The following PAK5 variants were observed in gnomAD, a reference collection of about 807,000 sequenced individuals.
The protein encoded by PAK5 is serine/threonine-protein kinase PAK 5.
Under a neutral mutation model 65.9 loss-of-function variants are expected in PAK5, and 16 were observed. The ratio of observed to expected loss-of-function variants is 0.24; its 90% CI spans 0.16 to 0.37. PAK5 has a LOEUF of 0.37. Among genes scored for constraint, PAK5 ranks in the 10% least tolerant of loss-of-function variants. The pLI is 1.00. For synonymous variants in PAK5, 371 were observed against 354.9 expected, an observed-to-expected ratio of 1.05 and a Z score of -0.51; for missense variants, 785 against 903.9, an observed-to-expected ratio of 0.87 and a Z score of 1.69.
At chr20:9,811,484 T>C (rs1289693195) in intron 1 of PAK5, among the ~76,000 whole-genome samples, 1 of 152,164 alleles carries the variant, frequency 6.6e-6, no homozygotes, top group Non-Finnish European at 1.5e-5. Context: ...AGTCTAATAA[T>C]ACAGAGTGAG....
intron 1 of PAK5, among the ~76,000 whole-genome samples, chr20:9,718,876 C>A (rs2048181832): frequency 6.6e-6 from 1 of 152,140 alleles, no homozygotes. Flanking sequence ...TCCAAGTACA[C>A]AAAATCATTC....
In PAK5 at chr20:9,809,193, T is replaced by A. The variant is rs906049375; in HGVS notation, c.-162+29569A>T. ...CCTTTAGCATACACTAGATATACTATGAAGCTTACTTAAAAATATAGATCT... is the reference window on the plus strand; with the variant it reads ...CCTTTAGCATACACTAGATATACTAAGAAGCTTACTTAAAAATATAGATCT... On this transcript the variant is annotated intron_variant, in intron 1 of 9. Coordinates refer to ENST00000353224, the MANE Select transcript of PAK5 (RefSeq NM_177990.4). Among the ~76,000 whole-genome samples, 16 of 152,206 alleles carry A rather than the reference T, an allele frequency of 1.1e-4. No homozygotes were observed. In the East Asian group the frequency reaches 3.1e-3, roughly 29 times the overall value.
intron 3 of PAK5, among the ~76,000 whole-genome samples, chr20:9,631,215 T>G (rs1484081517): frequency 6.6e-6 from 1 of 152,322 alleles, no homozygotes; most frequent in African/African-American, 2.4e-5. Context: ...ATCATGCCTT[T>G]GATTATCCCC....
chr20:9,783,032 C>T (rs546819358), intron 1 of PAK5, among the ~76,000 whole-genome samples: 12 of 151,286 alleles, frequency 7.9e-5, no homozygotes, highest in Admixed American at 3.3e-4. Flanking sequence ...TAGGTTCAAG[C>T]GATTTTCCTG....
chr20:9,552,668 A>C (rs2122932120), intron 7 of PAK5, among the ~76,000 whole-genome samples: 1 of 152,164 alleles, frequency 6.6e-6, no homozygotes, highest in South Asian at 2.1e-4. Context: ...ATTCTTTCAA[A>C]CCTGAGCAAT....
At chr20:9,669,876 C>T (rs1311152147) in intron 2 of PAK5, among the ~76,000 whole-genome samples, 1 of 151,944 alleles carries the variant, frequency 6.6e-6, no homozygotes, top group African/African-American at 2.4e-5. Context: ...TACCCATTAA[C>T]CCAACATTTA....
chr20:9,703,479 A>AGG (rs950398587), intron 2 of PAK5, among the ~76,000 whole-genome samples: 2 of 152,134 alleles, frequency 1.3e-5, no homozygotes, highest in African/African-American at 4.8e-5. Flanking sequence ...TGGGCTGTGC[A>AGG]GGGGATTGAG....
chr20:9,725,003 C>A (rs889022408), intron 1 of PAK5, among the ~76,000 whole-genome samples: 10 of 152,030 alleles, frequency 6.6e-5, no homozygotes, highest in Non-Finnish European at 1.5e-5. Flanking sequence ...AAATATCTGA[C>A]ATAACCCATA....
chr20:9,605,778 A>G (rs2046442772), intron 3 of PAK5, among the ~76,000 whole-genome samples: 1 of 152,126 alleles, frequency 6.6e-6, no homozygotes, highest in African/African-American at 2.4e-5. Context: ...AAAGTACAAA[A>G]AATCAGCCGG....
chr20:9,810,215 G>T (rs1422203715), intron 1 of PAK5, among the ~76,000 whole-genome samples: 1 of 152,096 alleles, frequency 6.6e-6, no homozygotes, highest in Non-Finnish European at 1.5e-5. Context: ...TTGTAAATTT[G>T]AAAGCACCAA....
intron 2 of PAK5, among the ~76,000 whole-genome samples, chr20:9,662,515 G>T (rs544442428): frequency 6.6e-6 from 1 of 152,098 alleles, no homozygotes; most frequent in Non-Finnish European, 1.5e-5. Flanking sequence ...CATGTGCACA[G>T]AAGTGAAATA....
intron 7 of PAK5, among the ~76,000 whole-genome samples, chr20:9,553,303 C>A (rs2045458568): frequency 6.6e-6 from 1 of 152,114 alleles, no homozygotes; most frequent in Admixed American, 6.6e-5. Flanking sequence ...CGGTGGGCAA[C>A]TAGAGCTTGA....
At chr20:9,694,865 G>T (rs574303043) in intron 2 of PAK5, among the ~76,000 whole-genome samples, 2 of 151,948 alleles carry the variant, frequency 1.3e-5, no homozygotes, top group Non-Finnish European at 2.9e-5. Context: ...GTTCAAGTAC[G>T]TGTCTTTTGG....
intron 4 of PAK5, among the ~76,000 whole-genome samples, chr20:9,574,454 T>C (rs1207673505): frequency 6.6e-6 from 1 of 152,218 alleles, no homozygotes; most frequent in Non-Finnish European, 1.5e-5. Context: ...TGGTCTGACC[T>C]GCGATCCGTC....
chr20:9,651,048 T>C (rs2047196575), intron 2 of PAK5, among the ~76,000 whole-genome samples: 1 of 152,202 alleles, frequency 6.6e-6, no homozygotes, highest in Non-Finnish European at 1.5e-5. Flanking sequence ...AACAATCTTA[T>C]TGCCTCCTCA....
At chr20:9,672,558 C>T (rs1305832950) in intron 2 of PAK5, among the ~76,000 whole-genome samples, 1 of 151,890 alleles carries the variant, frequency 6.6e-6, no homozygotes, top group Non-Finnish European at 1.5e-5. Flanking sequence ...CTGCCTGCTG[C>T]CATGTAAGAT....
chr20:9,787,034 A>C (rs1489612828), intron 1 of PAK5, among the ~76,000 whole-genome samples: 1 of 152,200 alleles, frequency 6.6e-6, no homozygotes, highest in Admixed American at 6.5e-5. Context: ...ATGGCAAGAA[A>C]AAATTATTCT....
chr20:9,574,092 G>A (rs947548487), intron 4 of PAK5, among the ~76,000 whole-genome samples: 2 of 152,160 alleles, frequency 1.3e-5, no homozygotes, highest in African/African-American at 4.8e-5. Context: ...AAGGGAAAAC[G>A]ACTGCTTGTA....
At chr20:9,553,886 C>T (rs555622530) in intron 7 of PAK5, among the ~76,000 whole-genome samples, 2 of 152,010 alleles carry the variant, frequency 1.3e-5, no homozygotes, top group East Asian at 3.9e-4. Flanking sequence ...AAGTGATGGT[C>T]GTATGGTAAG....
Sources: gnomAD v4.1 joint callset for allele counts (sites outside exome capture counted in the v4.1 genomes callset) on GRCh38, gnomAD v4.1.1 for gene constraint, MANE v1.5 for transcripts, NCBI Gene and HGNC (gene_info 2026-07-23, HGNC 2026-07-21) for gene names.